VPS37A: variants seen among roughly 807,000 people sequenced by gnomAD.
VPS37A encodes VPS37A subunit of ESCRT-I.
VPS37A carries 30 observed loss-of-function variants against 49.8 expected under a neutral mutation model. That is an observed-to-expected ratio of 0.60 (90% CI 0.45 to 0.82). The LOEUF is 0.82. Ranked by LOEUF, VPS37A falls within the 40% of genes least tolerant of loss-of-function variation. The pLI, the probability that VPS37A is intolerant of heterozygous loss-of-function variation, is 0.00. For missense variants in VPS37A, 593 were observed against 464.4 expected, an observed-to-expected ratio of 1.28 and a Z score of -2.55; for synonymous variants, 195 against 160.6, an observed-to-expected ratio of 1.21 and a Z score of -1.62.
chr8:17,302,605 G>A (rs1817188937), downstream of VPS37A, among the ~76,000 whole-genome samples: 1 of 142,684 alleles, frequency 7.0e-6, no homozygotes, highest in Non-Finnish European at 1.5e-5. Context: ...CTTTGAAATT[G>A]TATATTTAGA....
chr8:17,302,257 C>A, downstream of VPS37A: 2 of 1,613,860 alleles, frequency 1.2e-6, no homozygotes, highest in Non-Finnish European at 1.7e-6. Context: ...CTTTTCAAAG[C>A]GGTTATACAT....
At chr8:17,320,937 G>A in the VPS37A span, among the ~76,000 whole-genome samples, 37 of 152,212 alleles carry the variant, frequency 2.4e-4, no homozygotes, top group African/African-American at 7.5e-4. Context: ...ATTCCACTGC[G>A]TGAAGTCTCA....
At chr8:17,254,201 T>A (rs527742756) in intron 1 of VPS37A, among the ~76,000 whole-genome samples, 1 of 152,298 alleles carries the variant, frequency 6.6e-6, no homozygotes, top group East Asian at 1.9e-4. Context: ...TTTGCCATAG[T>A]CTGCTTCTGG....
At chr8:17,279,113 C>G (rs1413316441) in intron 6 of VPS37A, among the ~76,000 whole-genome samples, 1 of 152,106 alleles carries the variant, frequency 6.6e-6, no homozygotes, top group Non-Finnish European at 1.5e-5. Context: ...ACTGTGACAG[C>G]CACACATCTG....
In VPS37A at chr8:17,268,358, C is replaced by T; in HGVS notation, c.301C>T (p.Pro101Ser). 1 of 1,606,596 alleles carries T rather than the reference C, an allele frequency of 6.2e-7. No homozygotes were observed. The highest frequency in any genetic ancestry group is 1.1e-5 in the South Asian group (1 of 90,792). Residue 101 changes from proline (P) to serine (S), a missense_variant, in exon 3 of 12, where the codon CCA (proline) becomes TCA (serine). Transcript: ENST00000324849. ...TAAACAAGGAGTGTATGTTACCTCT[C>T]CATTAGTAAACAATGTATGTATATG... ...MDKQGVYVTS[P>S]LVNNFTMHSD...
downstream of VPS37A, chr8:17,301,769 T>G: frequency 4.4e-6 from 1 of 229,112 alleles, no homozygotes; most frequent in South Asian, 1.3e-4. Flanking sequence ...TAGATTAATA[T>G]CATAGTTAAC....
chr8:17,290,460 G>C (rs1395007456), intron 11 of VPS37A, among the ~76,000 whole-genome samples: 1 of 152,168 alleles, frequency 6.6e-6, no homozygotes, highest in Non-Finnish European at 1.5e-5. Flanking sequence ...CATTGCCTCT[G>C]TTTATGTCGT....
chr8:17,284,725 C>T (rs1815424314), intron 10 of VPS37A, 109 bp downstream of exon 10: 4 of 1,300,920 alleles, frequency 3.1e-6, no homozygotes, highest in Non-Finnish European at 4.1e-6. Context: ...TATCATCCCC[C>T]TTTTTTTGTA....
intron 5 of VPS37A, 45 bp from the exon 6 acceptor site, chr8:17,276,352 A>C: frequency 1.9e-6 from 3 of 1,543,930 alleles, no homozygotes; most frequent in Non-Finnish European, 2.7e-6. Flanking sequence ...GAGAGCAGTC[A>C]AAAATAATGG....
At chr8:17,315,467 T>C in the VPS37A span, among the ~76,000 whole-genome samples, 2 of 152,154 alleles carry the variant, frequency 1.3e-5, no homozygotes, top group Admixed American at 6.5e-5. Flanking sequence ...ACAGTGGACT[T>C]TGAGTGATAC....
downstream of VPS37A, chr8:17,298,159 GTGAGT>G (rs1323577347): frequency 6.6e-6 from 1 of 152,002 alleles, no homozygotes; most frequent in Non-Finnish European, 1.5e-5. Flanking sequence ...AGGTTGTGAA[GTGAGT>G]TATGTTATGT....
At chr8:17,251,022 T>C (rs1009467782) in intron 1 of VPS37A, among the ~76,000 whole-genome samples, 1 of 152,146 alleles carries the variant, frequency 6.6e-6, no homozygotes, top group Non-Finnish European at 1.5e-5. Flanking sequence ...TAGAACTAAT[T>C]CTGTTTCTTA....
the VPS37A span, among the ~76,000 whole-genome samples, chr8:17,312,261 C>G: frequency 3.6e-4 from 55 of 152,216 alleles, no homozygotes; most frequent in East Asian, 8.1e-3. Context: ...ACCTAAAATT[C>G]TAGTTTTATT....
intron 1 of VPS37A, among the ~76,000 whole-genome samples, chr8:17,256,633 TA>T (rs1415966712): frequency 1.1e-5 from 1 of 87,420 alleles, no homozygotes; most frequent in African/African-American, 5.5e-5. Flanking sequence ...GTGTAGGTTT[TA>T]TTTATTTATT....
chr8:17,276,187 C>CA (rs3833692), intron 5 of VPS37A, among the ~76,000 whole-genome samples: 9 of 146,396 alleles, frequency 6.1e-5, no homozygotes, highest in South Asian at 4.3e-4. Flanking sequence ...TGGCCATCAC[C>CA]AAAAAAAAAA....
chr8:17,327,446 A>T, the VPS37A span, among the ~76,000 whole-genome samples: 1 of 146,420 alleles, frequency 6.8e-6, no homozygotes, highest in African/African-American at 2.6e-5. Context: ...GATTTTTTTT[A>T]TTTTTTAAAT....
At chr8:17,279,966 G>C in intron 6 of VPS37A, 62 bp from the exon 7 acceptor site, 1 of 1,603,240 alleles carries the variant, frequency 6.2e-7, no homozygotes. Context: ...ATTGTAAATA[G>C]TTGTCATGGA....
At chr8:17,288,188 A>G (rs998886208) in intron 11 of VPS37A, among the ~76,000 whole-genome samples, 1 of 152,128 alleles carries the variant, frequency 6.6e-6, no homozygotes, top group Non-Finnish European at 1.5e-5. Context: ...CCTTACCTCT[A>G]TTCCCTCATA....
At chr8:17,256,123 A>G (rs1317353194) in intron 1 of VPS37A, among the ~76,000 whole-genome samples, 1 of 151,396 alleles carries the variant, frequency 6.6e-6, no homozygotes, top group Non-Finnish European at 1.5e-5. Context: ...AGATATTGTT[A>G]GTCTTTTGAG....
Sources: gnomAD v4.1 joint callset for allele counts (sites outside exome capture counted in the v4.1 genomes callset) on GRCh38, gnomAD v4.1.1 for gene constraint, MANE v1.5 for transcripts, NCBI Gene and HGNC (gene_info 2026-07-23, HGNC 2026-07-21) for gene names.